Variants in DAB1 observed in about 807,000 individuals in gnomAD.
The protein encoded by DAB1 is DAB adaptor protein 1, also known as disabled homolog 1.
DAB1 carries 15 observed loss-of-function variants against 64.6 expected under a neutral mutation model. That is an observed-to-expected ratio of 0.23 (90% CI 0.16 to 0.36). The LOEUF (loss-of-function observed/expected upper bound fraction) is 0.36. DAB1 is among the 10% of genes least tolerant of loss of function. DAB1 has a pLI of 1.00. For missense variants in DAB1, 596 were observed against 706.7 expected, an observed-to-expected ratio of 0.84 and a Z score of 1.78; for synonymous variants, 235 against 251.9, an observed-to-expected ratio of 0.93 and a Z score of 0.64.
chr1:58,247,058 C>T (rs995123230), intron 4 of DAB1, among the ~76,000 whole-genome samples: 2 of 151,952 alleles, frequency 1.3e-5, no homozygotes, highest in African/African-American at 4.8e-5. Flanking sequence ...GGGAGTAACA[C>T]GATCAAAGCC....
chr1:58,321,908 G>T (rs913981047), intron 4 of DAB1, among the ~76,000 whole-genome samples: 19 of 152,252 alleles, frequency 1.2e-4, no homozygotes, highest in Non-Finnish European at 2.1e-4. Flanking sequence ...GAAGAGAGCA[G>T]TGGTTCTCCC....
chr1:56,999,207 T>A (rs1254348771), intron 14 of DAB1, among the ~76,000 whole-genome samples: 1 of 152,238 alleles, frequency 6.6e-6, no homozygotes, highest in Non-Finnish European at 1.5e-5. Context: ...TATTTTCAAG[T>A]ACATTGTCTT....
chr1:58,244,890 T>C (rs968877665), intron 4 of DAB1, among the ~76,000 whole-genome samples: 17 of 152,184 alleles, frequency 1.1e-4, no homozygotes, highest in East Asian at 1.9e-4. Flanking sequence ...ATGAGAGTTG[T>C]AATTCCACTA....
chr1:57,986,214 T>C (rs1487606264), intron 5 of DAB1, among the ~76,000 whole-genome samples: 2 of 152,172 alleles, frequency 1.3e-5, no homozygotes, highest in Admixed American at 1.3e-4. Flanking sequence ...AATGTTTGCG[T>C]GCCTGCAAAA....
chr1:57,979,026 C>T (rs1645995136), intron 5 of DAB1, among the ~76,000 whole-genome samples: 1 of 152,102 alleles, frequency 6.6e-6, no homozygotes, highest in African/African-American at 2.4e-5. Context: ...GGATCTAGAA[C>T]TAGAAATACC....
chr1:58,461,454 A>G (rs1645241831), intron 3 of DAB1, among the ~76,000 whole-genome samples: 1 of 152,234 alleles, frequency 6.6e-6, no homozygotes, highest in South Asian at 2.1e-4. Flanking sequence ...GGAAAAAGCA[A>G]AGATGGAGAC....
At chr1:57,553,416 A>AAG (rs57635928) in intron 7 of DAB1, among the ~76,000 whole-genome samples, 4 of 14,484 alleles carry the variant, frequency 2.8e-4, no homozygotes, top group Admixed American at 5.3e-4. Context: ...GAAAGAAAGA[A>AAG]AGAAAGAAAG....
chr1:57,695,381 A>G (rs1442687763), intron 6 of DAB1, among the ~76,000 whole-genome samples: 5 of 77,510 alleles, frequency 6.5e-5, no homozygotes, highest in African/African-American at 1.0e-4. Flanking sequence ...AGAAAGAAAG[A>G]AAGAAAGAAA....
intron 2 of DAB1, among the ~76,000 whole-genome samples, chr1:58,515,867 A>T (rs1646150880): frequency 6.6e-6 from 1 of 152,128 alleles, no homozygotes; most frequent in Admixed American, 6.5e-5. Flanking sequence ...ATTAGCTCCA[A>T]TTTTCTTTCC....
intron 5 of DAB1, among the ~76,000 whole-genome samples, chr1:58,118,360 G>A (rs751778794): frequency 1.3e-4 from 19 of 145,920 alleles, no homozygotes; most frequent in Non-Finnish European, 1.9e-4. Context: ...GACTTGGGAG[G>A]TGGAGTTAAA....
chr1:57,828,334 G>A (rs962273162), intron 1 of DAB1, among the ~76,000 whole-genome samples: 8 of 152,180 alleles, frequency 5.3e-5, no homozygotes, highest in African/African-American at 1.7e-4. Flanking sequence ...TGGTAAATCT[G>A]TGGACATCTG....
In DAB1 at chr1:58,476,272, G is replaced by A. The variant is rs144572398; in HGVS notation, n.257+29788C>T. ...GAACTTTGATAACACCAGAGATCAC[G>A]TGATGATCAAAGGCCCTGCTTGGTC... On this transcript the variant is annotated intron_variant and non_coding_transcript_variant, in intron 3 of 20. Coordinates refer to the DAB1 transcript ENST00000485760. Among the ~76,000 whole-genome samples, 138 of 151,928 alleles carry A rather than the reference G, an allele frequency of 9.1e-4. 4 individuals carry two copies. In the South Asian group the frequency reaches 0.027, roughly 30 times the overall value.
At chr1:57,747,873 A>C (rs1648360684) in intron 6 of DAB1, among the ~76,000 whole-genome samples, 1 of 122,826 alleles carries the variant, frequency 8.1e-6, no homozygotes, top group Non-Finnish European at 1.8e-5. Flanking sequence ...CTGGCACTGA[A>C]ATATCCATGC....
intron 1 of DAB1, among the ~76,000 whole-genome samples, chr1:57,361,338 C>T (rs1221028915): frequency 6.6e-6 from 1 of 152,114 alleles, no homozygotes; most frequent in Non-Finnish European, 1.5e-5. Flanking sequence ...GACGTGGAAT[C>T]AGATAACTAG....
chr1:57,704,004 T>A (rs949646910), intron 6 of DAB1, among the ~76,000 whole-genome samples: 2 of 151,866 alleles, frequency 1.3e-5, no homozygotes, highest in African/African-American at 4.8e-5. Flanking sequence ...CATGGACACA[T>A]AAAGGGGAAC....
intron 6 of DAB1, among the ~76,000 whole-genome samples, chr1:57,710,334 G>A (rs1647013438): frequency 6.6e-6 from 1 of 152,010 alleles, no homozygotes; most frequent in Non-Finnish European, 1.5e-5. Context: ...TTCATACTAC[G>A]GAATAGTATA....
At chr1:57,614,868 C>CTTTTTTTTTTTTTTTTTTTTTTTT (rs34907824) in intron 7 of DAB1, among the ~76,000 whole-genome samples, 1 of 38,742 alleles carries the variant, frequency 2.6e-5, no homozygotes, top group African/African-American at 5.9e-5. Flanking sequence ...TTCTTTCTTT[C>CTTTTTTTTTTTTTTTTTTTTTTTT]TTTTTTTTTT....
intron 1 of DAB1, among the ~76,000 whole-genome samples, chr1:57,422,882 C>T (rs1685032636): frequency 6.6e-6 from 1 of 152,156 alleles, no homozygotes; most frequent in African/African-American, 2.4e-5. Flanking sequence ...AAAGAAAAAG[C>T]GCCTTAAAAA....
Position 57,273,260 on chromosome 1 carries a change from C to T in DAB1, c.67+17704G>A, listed in dbSNP as rs116022782. Among the ~76,000 whole-genome samples the T allele has an allele frequency of 3.2e-3, 487 of 152,280 alleles. 2 individuals are homozygous for T. Among genetic ancestry groups the T allele is most frequent in the African/African-American group, 0.011 (475 of 41,562 alleles). On this transcript the variant is annotated intron_variant, in intron 2 of 14. Transcript: ENST00000371236. The stretch of plus-strand genomic sequence containing the variant: ...TGGGAGTCACGAGAATGCACCTCGC[C>T]AACCTCCCCTAACAGGGAAAGGAAC...
Sources: gnomAD v4.1 joint callset for allele counts (sites outside exome capture counted in the v4.1 genomes callset) on GRCh38, gnomAD v4.1.1 for gene constraint, MANE v1.5 for transcripts, NCBI Gene and HGNC (gene_info 2026-07-23, HGNC 2026-07-21) for gene names.